The following IGSF5 variants were observed in gnomAD, a reference collection of about 807,000 sequenced individuals.
IGSF5 encodes the protein immunoglobulin superfamily member 5, also known as immunoglobulin superfamily 5 like.
A neutral mutation model predicts 39.4 loss-of-function variants in IGSF5; 41 were observed. The ratio of observed to expected loss-of-function variants is 1.04; its 90% confidence interval spans 0.81 to 1.35. IGSF5 has a LOEUF of 1.35. Ranked by LOEUF, IGSF5 falls within the 40% of genes most tolerant of loss-of-function variation. IGSF5 has a pLI of 0.00. For synonymous variants in IGSF5, 183 were observed against 175.3 expected (o/e 1.04, Z -0.34); for missense variants, 487 against 494.6 (o/e 0.98, Z 0.15).
At chr21:39,763,345 C>A (rs916335829) in intron 2 of IGSF5, among the ~76,000 whole-genome samples, 2 of 152,250 alleles carry the variant, frequency 1.3e-5, no homozygotes, top group East Asian at 1.9e-4. Context: ...ACACAGGTAA[C>A]ACAGTCAGGG....
intron 2 of IGSF5, among the ~76,000 whole-genome samples, chr21:39,765,312 T>C (rs550820827): frequency 2.0e-5 from 3 of 152,232 alleles, no homozygotes; most frequent in South Asian, 4.2e-4. Flanking sequence ...CCAATACAGC[T>C]GTAGAGTTAG....
chr21:39,758,893 T>C (rs1024235964), intron 2 of IGSF5, among the ~76,000 whole-genome samples: 1 of 152,176 alleles, frequency 6.6e-6, no homozygotes, highest in African/African-American at 2.4e-5. Flanking sequence ...TGAAGAATAA[T>C]AGACATACAG....
chr21:39,771,157 G>C lies in IGSF5; in HGVS notation c.660G>C (p.Lys220Asn). 1 of 1,605,382 alleles carries C rather than the reference G, an allele frequency of 6.2e-7. No individual in the cohort carries two copies. The highest frequency in any genetic ancestry group is 2.2e-5 in the East Asian group (1 of 44,612). The part of the protein sequence containing the change: ...NGTLTCVATW[K>N]SLKARKSATV... ...CTTTGACTTGCGTGGCTACCTGGAA[G>C]AGCCTGAAGGCCCGCAAGTCTGCAA... Residue 220 changes from lysine to asparagine, a missense_variant, in exon 4 of 9, where the codon AAG (lysine) becomes AAC (asparagine). By Grantham distance (94) the Lys-to-Asn change is moderately conservative. Coordinates refer to ENST00000380588, the MANE Select transcript of IGSF5 (RefSeq NM_001080444.2).
intron 2 of IGSF5, among the ~76,000 whole-genome samples, chr21:39,757,989 C>G (rs1009014467): frequency 6.6e-6 from 1 of 152,158 alleles, no homozygotes; most frequent in Non-Finnish European, 1.5e-5. Context: ...GCGGTGGGCA[C>G]AGAAGACTTC....
chr21:39,779,854 G>A (rs1162607596), intron 5 of IGSF5, among the ~76,000 whole-genome samples: 1 of 152,188 alleles, frequency 6.6e-6, no homozygotes, highest in Admixed American at 6.5e-5. Flanking sequence ...AAAAAGCCAA[G>A]CTCATGGAAA....
At chr21:39,751,038 T>A (rs959399945) in intron 2 of IGSF5, 5 of 153,446 alleles carry the variant, frequency 3.3e-5, no homozygotes, top group Non-Finnish European at 7.2e-5. Context: ...GGACTTCCTG[T>A]GTTTGGCTGC....
the IGSF5 span, among the ~76,000 whole-genome samples, chr21:39,718,294 A>G: frequency 2.6e-5 from 4 of 152,202 alleles, no homozygotes; most frequent in African/African-American, 9.7e-5. Flanking sequence ...CATCTACAAA[A>G]AGAGATAAGT....
intron 8 of IGSF5, among the ~76,000 whole-genome samples, chr21:39,800,886 C>A (rs943213930): frequency 1.3e-5 from 2 of 152,266 alleles, no homozygotes; most frequent in African/African-American, 2.4e-5. Flanking sequence ...ATTTTGTCCC[C>A]CTGTTCTAGA....
chr21:39,749,623 T>C (rs1485678401), intron 2 of IGSF5, among the ~76,000 whole-genome samples: 1 of 152,118 alleles, frequency 6.6e-6, no homozygotes, highest in African/African-American at 2.4e-5. Flanking sequence ...CACAGCCTGG[T>C]TTTATACATT....
the IGSF5 span, among the ~76,000 whole-genome samples, chr21:39,719,610 A>G: frequency 6.6e-6 from 1 of 152,188 alleles, no homozygotes; most frequent in African/African-American, 2.4e-5. Flanking sequence ...GGAGAGACAG[A>G]AGAAACAGAC....
At chr21:39,742,688 G>A (rs1367849119), upstream of IGSF5, among the ~76,000 whole-genome samples, 1 of 152,186 alleles carries the variant, frequency 6.6e-6, no homozygotes, top group Non-Finnish European at 1.5e-5. Context: ...CGCACTGGAA[G>A]TAAGCCCTAT....
At chr21:39,760,626 A>G (rs2080056635) in intron 2 of IGSF5, among the ~76,000 whole-genome samples, 1 of 151,928 alleles carries the variant, frequency 6.6e-6, no homozygotes, top group African/African-American at 2.4e-5. Context: ...GCTGGAGTTC[A>G]GTGACGTGAT....
the IGSF5 span, among the ~76,000 whole-genome samples, chr21:39,721,451 C>A: frequency 2.6e-5 from 4 of 152,280 alleles, no homozygotes; most frequent in Admixed American, 2.6e-4. Flanking sequence ...CAAGTTCAGG[C>A]GGAAGTCCTG....
intron 7 of IGSF5, among the ~76,000 whole-genome samples, chr21:39,792,975 C>T (rs953077976): frequency 1.3e-5 from 2 of 150,676 alleles, no homozygotes; most frequent in African/African-American, 4.9e-5. Flanking sequence ...CCTGCGTTTT[C>T]CACAAAAATT....
At position 39,746,246 on chromosome 21, in the gene IGSF5, G is replaced by T. The variant is rs1480063302; in HGVS notation, c.48G>T (p.Glu16Asp). 3 of 701,912 alleles carry T rather than the reference G, an allele frequency of 4.3e-6. No homozygotes were observed. The highest frequency in any genetic ancestry group is 7.8e-6 in the Non-Finnish European group (3 of 384,796). The allele number at this position is 701,912 out of a possible 1,614,324, so 43.5% of individuals were successfully genotyped here. ...RSTADTLPDL[E>D]EWKSAAGLRW... ...CAGCAGATACTCTGCCGGATCTGGA[G>T]GAATGGAAGTCAGCGGCGGGTCTGC... Residue 16 changes from glutamate (E) to aspartate (D), a missense_variant, in exon 2 of 9, where the codon GAG (glutamate) becomes GAT (aspartate). Transcript: ENST00000380588.
At chr21:39,726,244 G>A in the IGSF5 span, among the ~76,000 whole-genome samples, 1 of 152,118 alleles carries the variant, frequency 6.6e-6, no homozygotes. Context: ...CTTTGAAAGA[G>A]TTTTCTCCAT....
intron 5 of IGSF5, among the ~76,000 whole-genome samples, chr21:39,786,701 A>T (rs975476078): frequency 3.9e-5 from 6 of 152,194 alleles, no homozygotes; most frequent in Admixed American, 1.3e-4. Flanking sequence ...AAGACTTGGA[A>T]CCAACCCACA....
In IGSF5 at chr21:39,802,069, C is replaced by T. The variant is rs567524385; in HGVS notation, c.*712C>T. ...CATTGTAGTCTTTAATTAATAAAAA[C>T]ACCAAAAATGTGTATTGCCTTTCTT... On this transcript the variant is annotated 3_prime_UTR_variant, in exon 9 of 9. Transcript: ENST00000380588. 12 of 152,244 alleles carry T rather than the reference C, an allele frequency of 7.9e-5. No individual in the cohort carries two copies. Among genetic ancestry groups the T allele is most frequent in the Middle Eastern group, 3.4e-3 (1 of 294 alleles). The allele number at this position is 152,244 out of a possible 1,614,324, so 9.4% of individuals were successfully genotyped here.
chr21:39,728,975 C>T, the IGSF5 span, among the ~76,000 whole-genome samples: 5 of 152,142 alleles, frequency 3.3e-5, no homozygotes, highest in South Asian at 1.0e-3. Context: ...TTTCTAAATA[C>T]CTAGGACCCA....
Sources: allele counts gnomAD v4.1 joint callset (sites outside exome capture counted in the v4.1 genomes callset), GRCh38; gene constraint gnomAD v4.1.1; transcripts MANE v1.5; gene names NCBI Gene and HGNC (gene_info 2026-07-23, HGNC 2026-07-21).